Variants in DSCAML1 observed in about 807,000 individuals in gnomAD.
DSCAML1 encodes cell adhesion molecule DSCAML1.
DSCAML1 carries 38 observed loss-of-function variants against 200.5 expected under a neutral mutation model. The ratio of observed to expected loss-of-function variants is 0.19; its 90% CI spans 0.15 to 0.25. DSCAML1 has a LOEUF of 0.25. Among genes scored for constraint, DSCAML1 ranks in the 10% least tolerant of loss-of-function variants. The pLI is 1.00. For missense variants in DSCAML1, 2,223 were observed against 2,858.8 expected (o/e 0.78, Z 5.07); for synonymous variants, 1,215 against 1,165.0 (o/e 1.04, Z -0.87).
intron 3 of DSCAML1, among the ~76,000 whole-genome samples, chr11:117,539,004 C>A (rs2050216045): frequency 6.6e-6 from 1 of 152,210 alleles, no homozygotes; most frequent in South Asian, 2.1e-4. Context: ...CAATCCACGT[C>A]AGATCCTGCG....
intron 3 of DSCAML1, among the ~76,000 whole-genome samples, chr11:117,651,092 A>G (rs117219275): frequency 6.6e-6 from 1 of 152,354 alleles, no homozygotes; most frequent in Non-Finnish European, 1.5e-5. Context: ...ACATGGCCTG[A>G]TTTGTGGGCA....
rs2049814071 is a variant in DSCAML1, at chr11:117,518,229, G to A, written c.1510+237C>T. Among the ~76,000 whole-genome samples, 1 of 152,086 alleles carries A rather than the reference G, an allele frequency of 6.6e-6. No homozygotes were observed. Among genetic ancestry groups the A allele is most frequent in the Non-Finnish European group, 1.5e-5 (1 of 67,996 alleles). On this transcript the variant is annotated intron_variant, in intron 7 of 32. Coordinates refer to ENST00000651296, the MANE Select transcript of DSCAML1 (RefSeq NM_020693.4). The surrounding 1 kb of genome is among the most constrained non-coding windows in gnomAD (Gnocchi z 6.3). ...CTGGATTTCTGGACAGGAGGAAGGA[G>A]GAGGGGGAATGGGGAGGTGAATGAG...
intron 5 of DSCAML1, among the ~76,000 whole-genome samples, chr11:117,524,579 A>G (rs1363738386): frequency 1.3e-5 from 2 of 152,200 alleles, no homozygotes; most frequent in African/African-American, 4.8e-5. Flanking sequence ...TGGTTATGTG[A>G]TTTGCCCAAA....
At chr11:117,662,519 A>C (rs575950457) in intron 3 of DSCAML1, among the ~76,000 whole-genome samples, 26 of 152,324 alleles carry the variant, frequency 1.7e-4, no homozygotes, top group African/African-American at 6.3e-4. Context: ...GCCAGAGAAA[A>C]GGCTCTCTCA....
intron 3 of DSCAML1, among the ~76,000 whole-genome samples, chr11:117,540,889 T>G (rs2050256371): frequency 6.6e-6 from 1 of 150,814 alleles, no homozygotes; most frequent in Non-Finnish European, 1.5e-5. Flanking sequence ...AGGTAGTGAG[T>G]CTCCTGTCAC....
intron 1 of DSCAML1, among the ~76,000 whole-genome samples, chr11:117,793,717 C>G (rs550791576): frequency 6.6e-6 from 1 of 152,160 alleles, no homozygotes; most frequent in African/African-American, 2.4e-5. Context: ...GAAAACTAAG[C>G]CTCTCTGTCC....
chr11:117,492,710 G>A (rs1317282473), intron 11 of DSCAML1, among the ~76,000 whole-genome samples: 1 of 152,206 alleles, frequency 6.6e-6, no homozygotes, highest in Admixed American at 6.5e-5. Flanking sequence ...TTGTTGGCGC[G>A]CCGGGTGGTC....
chr11:117,577,469 CCTT>C (rs2050958015), intron 3 of DSCAML1, among the ~76,000 whole-genome samples: 1 of 37,544 alleles, frequency 2.7e-5, no homozygotes. Context: ...TTCCTTCCTT[CCTT>C]CCTTCCTTCC....
At chr11:117,457,012 T>C (rs2048384514) in intron 19 of DSCAML1, among the ~76,000 whole-genome samples, 1 of 152,196 alleles carries the variant, frequency 6.6e-6, no homozygotes, top group South Asian at 2.1e-4. Flanking sequence ...TTGGTAGCCA[T>C]AAAGCACCTG....
In DSCAML1 at chr11:117,780,304, G is replaced by A. The variant is rs74325363; in HGVS notation, c.364+189C>T. Among the ~76,000 whole-genome samples, 1,251 of 98,362 alleles carry A rather than the reference G, an allele frequency of 0.013. 44 individuals are homozygous for A. Among genetic ancestry groups the A allele is most frequent in the Middle Eastern group, 0.078 (16 of 204 alleles). 64.5% of individuals were successfully genotyped at this position (98,362 alleles called of 152,430 possible). The stretch of plus-strand genomic sequence containing the variant: ...AGAAAGAAAGAAAGAAAGAAAGAAA[G>A]AGAGAAAGGAGAAAGAAAGGTGTCT... On this transcript the variant is annotated intron_variant, in intron 2 of 32. Transcript: ENST00000651296. The surrounding 1 kb of genome is among the most constrained non-coding windows in gnomAD (Gnocchi z 4.8).
At chr11:117,612,280 C>T (rs1170704326) in intron 3 of DSCAML1, among the ~76,000 whole-genome samples, 1 of 152,202 alleles carries the variant, frequency 6.6e-6, no homozygotes, top group East Asian at 1.9e-4. Context: ...TCCCTGTAGC[C>T]TGCCAACCTT....
In DSCAML1 at chr11:117,778,294, T is replaced by C. The variant is rs142719967; in HGVS notation, c.365-1357A>G. Among the ~76,000 whole-genome samples the C allele has an allele frequency of 5.1e-4, 77 of 152,246 alleles. No homozygotes were observed. In the East Asian group the frequency reaches 0.015, roughly 29 times the overall value. On this transcript the variant is annotated intron_variant, in intron 2 of 32. Transcript: ENST00000651296. Reference sequence around the variant, plus strand: ...TTGGGCAGAGCCCTGCCTCCAGATATGGGAGAGCACAGAGGAGAACAAGGG... The same window carrying C: ...TTGGGCAGAGCCCTGCCTCCAGATACGGGAGAGCACAGAGGAGAACAAGGG...
chr11:117,746,961 G>A (rs2054529100), intron 3 of DSCAML1, among the ~76,000 whole-genome samples: 1 of 152,172 alleles, frequency 6.6e-6, no homozygotes, highest in African/African-American at 2.4e-5. Flanking sequence ...ATGGGTCAGC[G>A]AGATTTGTCC....
In DSCAML1 at chr11:117,542,892, T is replaced by G. The variant is rs80237815; in HGVS notation, c.512-10370A>C. Among the ~76,000 whole-genome samples the G allele has an allele frequency of 1.8e-3, 271 of 152,314 alleles. 1 individual carries two copies. Among genetic ancestry groups the G allele is most frequent in the African/African-American group, 6.3e-3 (262 of 41,580 alleles). ...TCCTGAACACAAATTCAGAGCTGTT[T>G]CCTCCAACCCTGCTGCCAGGAAAGT... On this transcript the variant is annotated intron_variant, in intron 3 of 32. Coordinates refer to ENST00000651296, the MANE Select transcript of DSCAML1 (RefSeq NM_020693.4).
intron 3 of DSCAML1, among the ~76,000 whole-genome samples, chr11:117,708,597 C>T (rs935691913): frequency 4.6e-5 from 7 of 152,186 alleles, no homozygotes; most frequent in Non-Finnish European, 1.5e-5. Context: ...ATGTTAGTGG[C>T]TAATATTTTG....
chr11:117,674,559 G>A (rs896448156), intron 3 of DSCAML1, among the ~76,000 whole-genome samples: 7 of 152,094 alleles, frequency 4.6e-5, no homozygotes, highest in African/African-American at 1.7e-4. Flanking sequence ...GGATATTGAT[G>A]GGATATTTGT....
intron 3 of DSCAML1, among the ~76,000 whole-genome samples, chr11:117,639,597 G>A (rs1048092442): frequency 7.2e-5 from 11 of 152,100 alleles, no homozygotes; most frequent in African/African-American, 2.4e-4. Flanking sequence ...GAGGGTGGGG[G>A]GACATCCTGA....
chr11:117,775,671 C>G (rs1039758455), intron 3 of DSCAML1, among the ~76,000 whole-genome samples: 2 of 152,108 alleles, frequency 1.3e-5, no homozygotes, highest in Non-Finnish European at 2.9e-5. Flanking sequence ...ACATCAGAAC[C>G]ACCTAGCGAG....
At chr11:117,737,633 C>T (rs1272832410) in intron 3 of DSCAML1, among the ~76,000 whole-genome samples, 2 of 152,204 alleles carry the variant, frequency 1.3e-5, no homozygotes, top group Non-Finnish European at 2.9e-5. Flanking sequence ...TTTATGATTG[C>T]TAAAATGATG....
Sources: allele counts gnomAD v4.1 joint callset (sites outside exome capture counted in the v4.1 genomes callset), GRCh38; gene constraint gnomAD v4.1.1; non-coding constraint Gnocchi (gnomAD v3.1); transcripts MANE v1.5; gene names NCBI Gene and HGNC (gene_info 2026-07-23, HGNC 2026-07-21).